Variants in DLGAP1 observed in about 807,000 individuals in gnomAD.
DLGAP1 encodes DLG associated protein 1, also known as disks large-associated protein 1.
A neutral mutation model predicts 90.8 loss-of-function variants in DLGAP1; 11 were observed. The ratio of observed to expected loss-of-function variants is 0.12; its 90% CI spans 0.08 to 0.20. The LOEUF (loss-of-function observed/expected upper bound fraction) is 0.20. Ranked by LOEUF, DLGAP1 falls within the 10% of genes least tolerant of loss-of-function variation. The probability of loss-of-function intolerance (pLI) is 1.00; values close to 1 mark genes in which losing one functional copy is unlikely to be tolerated. For missense variants in DLGAP1, 1,050 were observed against 1,333.8 expected, an observed-to-expected ratio of 0.79 and a Z score of 3.31; for synonymous variants, 558 against 540.7, an observed-to-expected ratio of 1.03 and a Z score of -0.44.
At chr18:4,323,553 A>C (rs1470818681) in intron 1 of DLGAP1, among the ~76,000 whole-genome samples, 2 of 152,210 alleles carry the variant, frequency 1.3e-5, no homozygotes, top group African/African-American at 2.4e-5. Flanking sequence ...GTCCATGAAC[A>C]AATAAACTAA....
At chr18:3,557,892 A>C (rs974729447) in intron 9 of DLGAP1, among the ~76,000 whole-genome samples, 2 of 151,330 alleles carry the variant, frequency 1.3e-5, no homozygotes, top group Admixed American at 6.6e-5. Context: ...ACACCATTGC[A>C]CTCCAGCCTG....
At chr18:4,188,687 C>A (rs942685375) in intron 1 of DLGAP1, among the ~76,000 whole-genome samples, 1 of 152,106 alleles carries the variant, frequency 6.6e-6, no homozygotes, top group Non-Finnish European at 1.5e-5. Context: ...GGTGTAGGTG[C>A]GCCACATTTC....
chr18:3,597,568 C>T, intron 7 of DLGAP1: 1 of 269,518 alleles, frequency 3.7e-6, no homozygotes, highest in Non-Finnish European at 7.2e-6. Context: ...GTGGATTCAT[C>T]AGTAACCTTG....
chr18:4,057,004 TACACAC>T (rs55887550), intron 2 of DLGAP1, among the ~76,000 whole-genome samples: 6,051 of 114,874 alleles, frequency 0.053, 167 homozygotes, highest in East Asian at 0.14. Context: ...TGACCATACA[TACACAC>T]ACACACACAC....
chr18:3,857,164 G>C (rs1201578532), intron 4 of DLGAP1, among the ~76,000 whole-genome samples: 1 of 152,042 alleles, frequency 6.6e-6, no homozygotes, highest in Non-Finnish European at 1.5e-5. Flanking sequence ...TTTAAAATTA[G>C]AATATTTAAA....
chr18:3,559,610 A>T (rs1599236247), intron 9 of DLGAP1, among the ~76,000 whole-genome samples: 1 of 146,732 alleles, frequency 6.8e-6, no homozygotes, highest in Admixed American at 6.8e-5. Flanking sequence ...TGCATTTACC[A>T]CGAATCCAAT....
intron 1 of DLGAP1, among the ~76,000 whole-genome samples, chr18:4,153,151 G>A (rs1192101772): frequency 1.3e-5 from 2 of 152,160 alleles, no homozygotes; most frequent in Admixed American, 1.3e-4. Flanking sequence ...TTAATCACTA[G>A]GAGAGGTCTT....
chr18:3,521,408 C>G (rs1210663663), intron 10 of DLGAP1, among the ~76,000 whole-genome samples: 1 of 152,198 alleles, frequency 6.6e-6, no homozygotes, highest in South Asian at 2.1e-4. Context: ...GCCAAGCTGT[C>G]CAGTTTCTCT....
intron 2 of DLGAP1, among the ~76,000 whole-genome samples, chr18:4,037,884 C>T (rs1048241495): frequency 6.6e-6 from 1 of 152,194 alleles, no homozygotes; most frequent in Non-Finnish European, 1.5e-5. Flanking sequence ...CACTTGAACC[C>T]AGGAAGCGGA....
At chr18:4,143,457 C>T (rs901148964) in intron 2 of DLGAP1, among the ~76,000 whole-genome samples, 10 of 151,768 alleles carry the variant, frequency 6.6e-5, no homozygotes, top group Non-Finnish European at 1.5e-4. Flanking sequence ...GGTCCAAGGG[C>T]TCTTGAGTTA....
chr18:3,511,859 A>G (rs1417605671), intron 10 of DLGAP1, among the ~76,000 whole-genome samples: 1 of 152,152 alleles, frequency 6.6e-6, no homozygotes, highest in Non-Finnish European at 1.5e-5. Context: ...GAGAATGACT[A>G]TTTCAGTCCC....
intron 1 of DLGAP1, among the ~76,000 whole-genome samples, chr18:4,284,207 A>G (rs868659824): frequency 5.9e-5 from 9 of 151,288 alleles, no homozygotes; most frequent in Admixed American, 5.9e-4. Flanking sequence ...TCTACTGAAA[A>G]AAAAAAAAAA....
At chr18:3,881,988 C>G (rs1433890500) in intron 3 of DLGAP1, among the ~76,000 whole-genome samples, 1 of 152,220 alleles carries the variant, frequency 6.6e-6, no homozygotes, top group African/African-American at 2.4e-5. Flanking sequence ...ATATCTCTGT[C>G]TTCTGTTGCA....
At chr18:4,072,618 T>C (rs936699374) in intron 2 of DLGAP1, among the ~76,000 whole-genome samples, 1 of 152,072 alleles carries the variant, frequency 6.6e-6, no homozygotes, top group Admixed American at 6.6e-5. Context: ...TATGGCTGCA[T>C]GCCACTGCAC....
chr18:4,291,043 G>C (rs1422172699), intron 1 of DLGAP1, among the ~76,000 whole-genome samples: 1 of 152,122 alleles, frequency 6.6e-6, no homozygotes, highest in Non-Finnish European at 1.5e-5. Flanking sequence ...GAAGACCTTA[G>C]AATCTAGGTT....
chr18:4,189,988 T>C (rs1038108224), intron 1 of DLGAP1, among the ~76,000 whole-genome samples: 2 of 152,036 alleles, frequency 1.3e-5, no homozygotes, highest in Non-Finnish European at 2.9e-5. Context: ...AGCCTAGCAG[T>C]TTTATGCAAA....
At chr18:4,393,147 AC>A (rs759738551) in intron 1 of DLGAP1, among the ~76,000 whole-genome samples, 1 of 152,228 alleles carries the variant, frequency 6.6e-6, no homozygotes, top group Non-Finnish European at 1.5e-5. Flanking sequence ...AGATTTTGTC[AC>A]TTGCATACTT....
chr18:4,198,427 T>A (rs1033972854), intron 1 of DLGAP1, among the ~76,000 whole-genome samples: 5 of 152,154 alleles, frequency 3.3e-5, no homozygotes, highest in African/African-American at 1.2e-4. Context: ...GTGTTTCTTT[T>A]TCTTCATTTA....
At chr18:3,844,838 CA>C (rs982808691) in intron 4 of DLGAP1, among the ~76,000 whole-genome samples, 3 of 152,102 alleles carry the variant, frequency 2.0e-5, no homozygotes, top group Admixed American at 6.6e-5. Flanking sequence ...CAGCTTAGAG[CA>C]AATTCAACAT....
Sources: allele counts gnomAD v4.1 joint callset (sites outside exome capture counted in the v4.1 genomes callset), GRCh38; gene constraint gnomAD v4.1.1; transcripts MANE v1.5; gene names NCBI Gene and HGNC (gene_info 2026-07-23, HGNC 2026-07-21).